Variants in ADGRD1 observed in about 807,000 individuals in gnomAD.
ADGRD1 encodes adhesion G protein-coupled receptor D1.
A neutral mutation model predicts 113.4 loss-of-function variants in ADGRD1; 77 were observed. The ratio of observed to expected loss-of-function variants is 0.68; its 90% CI spans 0.57 to 0.82. ADGRD1 has a LOEUF of 0.82. ADGRD1 is among the 40% of genes least tolerant of loss of function. ADGRD1 has a pLI of 0.00. For synonymous variants in ADGRD1, 474 were observed against 475.0 expected, an observed-to-expected ratio of 1.00 and a Z score of 0.03; for missense variants, 1,036 against 1,139.1, an observed-to-expected ratio of 0.91 and a Z score of 1.30.
At chr12:131,012,343 A>G (rs984230782) in intron 12 of ADGRD1, among the ~76,000 whole-genome samples, 1 of 151,726 alleles carries the variant, frequency 6.6e-6, no homozygotes, top group Non-Finnish European at 1.5e-5. Flanking sequence ...GCTTGGATCA[A>G]TAACATGGTC....
intron 2 of ADGRD1, chr12:130,957,500 TCA>T (rs1386914021): frequency 1.3e-5 from 2 of 152,110 alleles, no homozygotes; most frequent in South Asian, 2.1e-4. Context: ...ACACACACCC[TCA>T]CACATTCACA....
chr12:130,969,148 G>C (rs1871331654), intron 3 of ADGRD1: 1 of 813,230 alleles, frequency 1.2e-6, no homozygotes, highest in African/African-American at 1.7e-5. Context: ...AATTCTGTTT[G>C]GTAGTATCTG....
At chr12:131,074,703 T>TGG (rs1885444413) in intron 13 of ADGRD1, among the ~76,000 whole-genome samples, 1 of 152,194 alleles carries the variant, frequency 6.6e-6, no homozygotes, top group African/African-American at 2.4e-5. Flanking sequence ...TCCCAGTCAG[T>TGG]GGGGAACTCC....
At position 131,022,336 on chromosome 12, in the gene ADGRD1, C is replaced by T. The variant is rs1274895057; in HGVS notation, c.1473+7996C>T. Among the ~76,000 whole-genome samples the T allele has an allele frequency of 6.6e-6, 1 of 152,178 alleles. No homozygotes were observed. The highest frequency in any genetic ancestry group is 1.5e-5 in the Non-Finnish European group (1 of 68,036). On this transcript the variant is annotated intron_variant, in intron 13 of 24. Coordinates refer to ENST00000261654, the MANE Select transcript of ADGRD1 (RefSeq NM_198827.5). This position sits in a 1 kb window ranked among gnomAD's most constrained non-coding sequence, Gnocchi z 4.6. ...GGTGGGGAGATACCGTGAAACTACACAACCTTCCTTCAGCTCATCTTCCTT... is the reference window on the plus strand; with the variant it reads ...GGTGGGGAGATACCGTGAAACTACATAACCTTCCTTCAGCTCATCTTCCTT...
Position 130,971,978 on chromosome 12 carries a change from C to T in ADGRD1, c.310+398C>T, listed in dbSNP as rs1400414095. Among the ~76,000 whole-genome samples, 1 of 152,142 alleles carries T rather than the reference C, an allele frequency of 6.6e-6. No individual in the cohort carries two copies. The highest frequency in any genetic ancestry group is 1.5e-5 in the Non-Finnish European group (1 of 68,024). ...CTCTGGGATGTTGACGGTGAGCGGGCAGGGCATACCCAAGAACACTTGCGC... is the reference window on the plus strand; with the variant it reads ...CTCTGGGATGTTGACGGTGAGCGGGTAGGGCATACCCAAGAACACTTGCGC... On this transcript the variant is annotated intron_variant, in intron 4 of 24. Coordinates refer to ENST00000261654, the MANE Select transcript of ADGRD1 (RefSeq NM_198827.5). This position sits in a 1 kb window ranked among gnomAD's most constrained non-coding sequence, Gnocchi z 4.2.
intron 9 of ADGRD1, among the ~76,000 whole-genome samples, chr12:131,001,997 T>C (rs1336997493): frequency 6.6e-6 from 1 of 152,152 alleles, no homozygotes; most frequent in Non-Finnish European, 1.5e-5. Flanking sequence ...GGTTTAACAG[T>C]GGCAAAGGGA....
chr12:131,119,338 C>A (rs145410152), intron 19 of ADGRD1, among the ~76,000 whole-genome samples: 1 of 152,206 alleles, frequency 6.6e-6, no homozygotes, highest in South Asian at 2.1e-4. Context: ...AGTGTCTGAG[C>A]GCACAGTGAA....
chr12:131,003,133 C>A lies in ADGRD1; in HGVS notation c.1027-52C>A. The A allele has an allele frequency of 7.1e-7, 1 of 1,414,328 alleles. No individual in the cohort carries two copies. Among genetic ancestry groups the A allele is most frequent in the South Asian group, 1.1e-5 (1 of 87,080 alleles). 87.6% of individuals were successfully genotyped at this position (1,414,328 alleles called of 1,614,324 possible). Reference sequence around the variant, plus strand: ...TGTGCCTGGTGCACCTGCCTGGTGCCCTGGCTGAGTGGGGTGGATTTTCAT... The same window carrying A: ...TGTGCCTGGTGCACCTGCCTGGTGCACTGGCTGAGTGGGGTGGATTTTCAT... On this transcript the variant is annotated intron_variant, in intron 9 of 24. Transcript: ENST00000261654. The surrounding 1 kb of genome is among the most constrained non-coding windows in gnomAD (Gnocchi z 4.8).
rs1006726493 is a variant in ADGRD1 at position 131,027,128 on chromosome 12, T to A, written c.1473+12788T>A. On this transcript the variant is annotated intron_variant, in intron 13 of 24. Coordinates refer to ENST00000261654, the MANE Select transcript of ADGRD1 (RefSeq NM_198827.5). The surrounding 1 kb of genome is among the most constrained non-coding windows in gnomAD (Gnocchi z 5.1). ...TGAAGCAAGGTTCATTTTCTTCCCATGGTCATTCCTTGGTGCACTGTAGAT... is the reference window on the plus strand; with the variant it reads ...TGAAGCAAGGTTCATTTTCTTCCCAAGGTCATTCCTTGGTGCACTGTAGAT... The A allele has an allele frequency of 6.6e-6, 1 of 152,186 alleles. No homozygotes were observed. Among genetic ancestry groups the A allele is most frequent in the South Asian group, 2.1e-4 (1 of 4,824 alleles). The allele number at this position is 152,186 out of a possible 1,614,324, so 9.4% of individuals were successfully genotyped here. A position where few individuals can be genotyped will look rare whatever the true frequency, so the allele number is the denominator to read the frequency against.
rs143466053 is a variant in ADGRD1, at chr12:131,018,057, C to G, written c.1473+3717C>G. ...CACCCACATCCCATCCTTGCAGGGC[C>G]GGCAGGTAGGAGCTCTGGAATTTGG... On this transcript the variant is annotated intron_variant, in intron 13 of 24. Coordinates refer to ENST00000261654, the MANE Select transcript of ADGRD1 (RefSeq NM_198827.5). 3.8e-3 allele frequency among the ~76,000 whole-genome samples: 578 copies of G among 152,294 alleles called. 4 individuals are homozygous for G. Among genetic ancestry groups the G allele is most frequent in the African/African-American group, 0.013 (553 of 41,564 alleles).
chr12:130,976,874 A>C (rs1872379559), intron 4 of ADGRD1: 1 of 151,694 alleles, frequency 6.6e-6, no homozygotes. Flanking sequence ...AAAAAAAAAA[A>C]ATTTAGCAGG....
intron 21 of ADGRD1, among the ~76,000 whole-genome samples, chr12:131,134,260 G>A (rs983220488): frequency 6.6e-6 from 1 of 152,166 alleles, no homozygotes; most frequent in East Asian, 1.9e-4. Flanking sequence ...GCAGAAGGGG[G>A]TCATAGATCA....
At chr12:131,010,888 G>A (rs894335558) in intron 12 of ADGRD1, among the ~76,000 whole-genome samples, 3 of 152,140 alleles carry the variant, frequency 2.0e-5, no homozygotes, top group Non-Finnish European at 2.9e-5. Context: ...CCGGGGCAGC[G>A]ACTGTGCCCT....
intron 17 of ADGRD1, among the ~76,000 whole-genome samples, chr12:131,107,548 G>T (rs533085719): frequency 2.8e-5 from 4 of 140,822 alleles, no homozygotes; most frequent in Middle Eastern, 4.3e-3. Context: ...CAGAGACCTG[G>T]GTCAGAATCC....
At chr12:130,991,265 G>A in intron 7 of ADGRD1, 187 bp downstream of exon 7, 3 of 493,270 alleles carry the variant, frequency 6.1e-6, no homozygotes, top group East Asian at 3.4e-5. Context: ...AGTGACTGAA[G>A]GGAAAACTCT....
chr12:131,070,571 T>C (rs1029732038), intron 13 of ADGRD1: 65 of 231,550 alleles, frequency 2.8e-4, no homozygotes, highest in East Asian at 1.1e-3. Context: ...GCTTTAGAAG[T>C]TGACCTGCTG....
chr12:130,987,179 A>C lies in ADGRD1; in HGVS notation c.575A>C (p.Asp192Ala). The change falls in exon 6 of 25, where the codon GAT (aspartate) becomes GCT (alanine). Residue 192 changes from aspartate (D) to alanine (A), a missense_variant. By Grantham distance (126) the Asp-to-Ala change is moderately radical (BLOSUM62 -2). Transcript: ENST00000261654. The part of the protein sequence containing the change: ...VYVNGTLSTS[D>A]PSGKVSRDYG... ...GTCAACGGGACCCTGAGCACCTCTG[A>C]TCCGAGTGGAAAAGTGTCTCGTGAC... The C allele has an allele frequency of 6.2e-7, 1 of 1,614,206 alleles. No individual in the cohort carries two copies. Among genetic ancestry groups the C allele is most frequent in the Non-Finnish European group, 8.5e-7 (1 of 1,180,016 alleles).
intron 13 of ADGRD1, among the ~76,000 whole-genome samples, chr12:131,066,516 C>T (rs1453084272): frequency 2.6e-5 from 4 of 152,214 alleles, no homozygotes; most frequent in Admixed American, 2.6e-4. Flanking sequence ...GGGTTCATCC[C>T]ACCGAAGTTC....
chr12:131,004,203 A>C lies in ADGRD1; in HGVS notation c.1162A>C (p.Ile388Leu). 6 of 1,613,578 alleles carry C rather than the reference A, an allele frequency of 3.7e-6. No individual in the cohort carries two copies. Among genetic ancestry groups the C allele is most frequent in the Non-Finnish European group, 3.4e-6 (4 of 1,179,774 alleles). ...SAMAEFSVAK[I>L]LPKTVNSSHY... is the part of the protein sequence containing the mutation. Reference sequence around the variant, plus strand: ...CACCGCAGAGTTTTCCGTGGCCAAAATCCTGCCCAAGACCGTGAATTCCTC... The same window carrying C: ...CACCGCAGAGTTTTCCGTGGCCAAACTCCTGCCCAAGACCGTGAATTCCTC... Residue 388 changes from isoleucine to leucine, a missense_variant, in exon 11 of 25, where the codon ATC becomes CTC. Coordinates refer to ENST00000261654, the MANE Select transcript of ADGRD1 (RefSeq NM_198827.5).
Sources: gnomAD v4.1 joint callset for allele counts (sites outside exome capture counted in the v4.1 genomes callset) on GRCh38, gnomAD v4.1.1 for gene constraint, Gnocchi (gnomAD v3.1) non-coding constraint, MANE v1.5 for transcripts, NCBI Gene and HGNC (gene_info 2026-07-23, HGNC 2026-07-21) for gene names.